The following PIEZO2 variants were observed in gnomAD, a reference collection of about 807,000 sequenced individuals.
PIEZO2 encodes piezo type mechanosensitive ion channel component 2.
PIEZO2 carries 172 observed loss-of-function variants against 337.3 expected under a neutral mutation model. The observed-to-expected ratio is 0.51, with a 90% CI of 0.45 to 0.58. The LOEUF is 0.58. PIEZO2 is among the 20% of genes least tolerant of loss of function. The pLI, the probability that PIEZO2 is intolerant of heterozygous loss-of-function variation, is 0.00. For synonymous variants in PIEZO2, 1,251 were observed against 1,228.5 expected (o/e 1.02, Z -0.38); for missense variants, 3,028 against 3,391.3 (o/e 0.89, Z 2.66).
At chr18:10,722,595 A>C (rs947118556) in intron 36 of PIEZO2, among the ~76,000 whole-genome samples, 1 of 152,158 alleles carries the variant, frequency 6.6e-6, no homozygotes, top group African/African-American at 2.4e-5. Context: ...CCCATTTGAC[A>C]CAAGAAAAAA....
chr18:11,148,705 G>A lies in PIEZO2; in HGVS notation c.-117C>T, dbSNP rs997588972. ...CGCCGCCGGCAGCTCGCAGCCACCC[G>A]AGCATCGCCTCGGCGCGGGCCGCGA... On this transcript the variant is annotated 5_prime_UTR_variant, in exon 1 of 56. Coordinates refer to ENST00000674853, the MANE Select transcript of PIEZO2 (RefSeq NM_001378183.1). The surrounding 1 kb of genome is among the most constrained non-coding windows in gnomAD (Gnocchi z 5.2). 117 of 1,127,100 alleles carry A rather than the reference G, an allele frequency of 1.0e-4. No individual in the cohort carries two copies. The highest frequency in any genetic ancestry group is 2.3e-4 in the South Asian group (16 of 70,998). 69.8% of individuals were successfully genotyped at this position (1,127,100 alleles called of 1,614,324 possible). A position where few individuals can be genotyped will look rare whatever the true frequency, so the allele number is the denominator to read the frequency against.
At chr18:10,948,319 A>G (rs988957472) in intron 3 of PIEZO2, among the ~76,000 whole-genome samples, 1 of 152,186 alleles carries the variant, frequency 6.6e-6, no homozygotes, top group Non-Finnish European at 1.5e-5. Context: ...TTTATTTATC[A>G]AAGCTTCTTT....
At chr18:10,995,679 C>T (rs1790955455) in intron 2 of PIEZO2, among the ~76,000 whole-genome samples, 1 of 152,204 alleles carries the variant, frequency 6.6e-6, no homozygotes, top group South Asian at 2.1e-4. Flanking sequence ...ACCTGTGCAA[C>T]TGTTAACTGT....
At position 11,077,751 on chromosome 18, in the gene PIEZO2, A is replaced by C. The variant is rs1008414707; in HGVS notation, c.65-11529T>G. ...AGTACTTTTAAACTTTGAACCACTG[A>C]CCTTGGTAGTTCTATATGTCAAAAA... On this transcript the variant is annotated intron_variant, in intron 1 of 55. Coordinates refer to ENST00000674853, the MANE Select transcript of PIEZO2 (RefSeq NM_001378183.1). The surrounding 1 kb of genome is among the most constrained non-coding windows in gnomAD (Gnocchi z 4.8). Among the ~76,000 whole-genome samples the C allele has an allele frequency of 2.0e-5, 3 of 152,122 alleles. No individual in the cohort carries two copies. The highest frequency in any genetic ancestry group is 7.2e-5 in the African/African-American group (3 of 41,404).
intron 1 of PIEZO2, among the ~76,000 whole-genome samples, chr18:11,089,950 C>G (rs191973969): frequency 6.6e-6 from 1 of 152,210 alleles, no homozygotes; most frequent in African/African-American, 2.4e-5. Flanking sequence ...AATTCCTCTT[C>G]TCCTTACAGA....
chr18:11,036,729 G>A (rs2036934081), intron 2 of PIEZO2, among the ~76,000 whole-genome samples: 1 of 152,026 alleles, frequency 6.6e-6, no homozygotes. Flanking sequence ...TTTGGAGAAA[G>A]TATCATTAAA....
rs1377770994 is a variant in PIEZO2 at position 10,789,198 on chromosome 18, T to C, written c.2050A>G (p.Ile684Val). ...CCGCAGACGTAGATCCAGTACTTGATGAACATGGCCACCACCAGATTGCCC... is the reference window on the plus strand; with the variant it reads ...CCGCAGACGTAGATCCAGTACTTGACGAACATGGCCACCACCAGATTGCCC... Reference protein sequence around the residue: ...VLGNLVVAMFIKYWIYVCGGM... With the variant: ...VLGNLVVAMFVKYWIYVCGGM... The change falls in exon 15 of 56, where the codon ATC becomes GTC. Residue 684 changes from isoleucine to valine, a missense_variant. Transcript: ENST00000674853. The C allele has an allele frequency of 1.3e-6, 2 of 1,537,182 alleles. No homozygotes were observed. The highest frequency in any genetic ancestry group is 1.7e-6 in the Non-Finnish European group (2 of 1,146,928).
chr18:11,051,042 A>G (rs898144319), intron 2 of PIEZO2, among the ~76,000 whole-genome samples: 1 of 152,102 alleles, frequency 6.6e-6, no homozygotes, highest in African/African-American at 2.4e-5. Context: ...TTCTGTTATT[A>G]TTCCCGTGGC....
intron 3 of PIEZO2, among the ~76,000 whole-genome samples, chr18:10,971,509 C>A (rs999118883): frequency 6.6e-6 from 1 of 152,088 alleles, no homozygotes; most frequent in African/African-American, 2.4e-5. Context: ...ACGGTGGGTT[C>A]AAGGAGGCTG....
intron 2 of PIEZO2, among the ~76,000 whole-genome samples, chr18:11,057,680 G>A (rs1444930174): frequency 6.6e-6 from 1 of 152,140 alleles, no homozygotes. Context: ...AGTCAACGTG[G>A]CTATTGTAGA....
At position 11,132,848 on chromosome 18, in the gene PIEZO2, C is replaced by T. The variant is rs1229705013; in HGVS notation, c.64+15677G>A. 6.6e-6 allele frequency among the ~76,000 whole-genome samples: 1 copy of T among 152,092 alleles called. No homozygotes were observed. The highest frequency in any genetic ancestry group is 1.5e-5 in the Non-Finnish European group (1 of 68,028). ...CCAGCATGCATGGAATACAGGAGAT[C>T]CATTAGGGCGTCTCTTAGTATTACC... On this transcript the variant is annotated intron_variant, in intron 1 of 55. Transcript: ENST00000674853. This position sits in a 1 kb window ranked among gnomAD's most constrained non-coding sequence, Gnocchi z 4.7.
chr18:10,835,182 T>C (rs59261152), intron 7 of PIEZO2, among the ~76,000 whole-genome samples: 317 of 152,296 alleles, frequency 2.1e-3, no homozygotes, highest in African/African-American at 7.0e-3. Flanking sequence ...GAAATAAATG[T>C]TTGTTGTTTA....
At chr18:10,851,721 T>G (rs2041558864) in intron 7 of PIEZO2, among the ~76,000 whole-genome samples, 1 of 152,186 alleles carries the variant, frequency 6.6e-6, no homozygotes. Flanking sequence ...AAATGCAAAT[T>G]TGTATTTGTA....
intron 1 of PIEZO2, among the ~76,000 whole-genome samples, chr18:11,115,812 C>T (rs556376389): frequency 2.0e-5 from 3 of 151,888 alleles, no homozygotes; most frequent in South Asian, 2.1e-4. Context: ...AATAAAATGC[C>T]GTAAGTGCTA....
chr18:10,944,514 A>G (rs1212625868), intron 3 of PIEZO2, among the ~76,000 whole-genome samples: 1 of 21,294 alleles, frequency 4.7e-5, no homozygotes, highest in Non-Finnish European at 9.9e-5. Context: ...TATCTTAGTA[A>G]CAGATATATA....
At position 10,879,264 on chromosome 18, in the gene PIEZO2, T is replaced by C. The variant is rs1183402455; in HGVS notation, c.330-7849A>G. ...ATCAGTGAGACCAATGTGTCCATTT[T>C]CCCATAAAATGACCTAAGCTGCACT... On this transcript the variant is annotated intron_variant, in intron 4 of 55. Coordinates refer to ENST00000674853, the MANE Select transcript of PIEZO2 (RefSeq NM_001378183.1). Among the ~76,000 whole-genome samples the C allele has an allele frequency of 2.0e-5, 3 of 152,210 alleles. No individual in the cohort carries two copies. The East Asian group carries it at 5.8e-4, about 29-fold the overall frequency.
chr18:10,678,901 G>A (rs2034136640), intron 52 of PIEZO2, among the ~76,000 whole-genome samples: 1 of 151,040 alleles, frequency 6.6e-6, no homozygotes, highest in Admixed American at 6.6e-5. Context: ...TGGAATGCAA[G>A]TGATAATATG....
chr18:10,828,855 T>C lies in PIEZO2; in HGVS notation c.918-21581A>G, dbSNP rs940520508. Among the ~76,000 whole-genome samples, 1 of 152,144 alleles carries C rather than the reference T, an allele frequency of 6.6e-6. No individual in the cohort carries two copies. The highest frequency in any genetic ancestry group is 1.5e-5 in the Non-Finnish European group (1 of 68,012). On this transcript the variant is annotated intron_variant, in intron 7 of 55. Transcript: ENST00000674853. This position sits in a 1 kb window ranked among gnomAD's most constrained non-coding sequence, Gnocchi z 4.1. The stretch of plus-strand genomic sequence containing the variant: ...GGATGCTTCTTGATGATTGCATGAG[T>C]TCAATGTATGCTGAGATTAACAACA...
In PIEZO2 at chr18:10,762,530, C is replaced by T. The variant is rs2038178174; in HGVS notation, c.3219G>A (p.Arg1073=). The T allele has an allele frequency of 6.5e-7, 1 of 1,537,212 alleles. No individual in the cohort carries two copies. The highest frequency in any genetic ancestry group is 8.7e-7 in the Non-Finnish European group (1 of 1,146,936). Reference sequence around the variant, plus strand: ...GGTAGACTAGCAGAGGCGAAGACTTCCGCAGGCCGACCCACTCTGTAGGAT... The same window carrying T: ...GGTAGACTAGCAGAGGCGAAGACTTTCGCAGGCCGACCCACTCTGTAGGAT... ...PIDPTEWVGL[R]KSSPLLVYLR... is the part of the protein sequence containing the mutation. The change falls in exon 23 of 56, where the codon CGG becomes CGA. Residue 1073 remains arginine, a synonymous_variant. Coordinates refer to ENST00000674853, the MANE Select transcript of PIEZO2 (RefSeq NM_001378183.1).
Sources: allele counts gnomAD v4.1 joint callset (sites outside exome capture counted in the v4.1 genomes callset), GRCh38; gene constraint gnomAD v4.1.1; non-coding constraint Gnocchi (gnomAD v3.1); transcripts MANE v1.5; gene names NCBI Gene and HGNC (gene_info 2026-07-23, HGNC 2026-07-21).